Variants in KCTD19 observed in about 807,000 individuals in gnomAD.
KCTD19 encodes the protein BTB/POZ domain-containing protein KCTD19.
A neutral mutation model predicts 103.5 loss-of-function variants in KCTD19; 67 were observed. That is an observed-to-expected ratio of 0.65 (90% CI 0.53 to 0.79). The LOEUF (loss-of-function observed/expected upper bound fraction) is 0.79, where lower values mean the gene tolerates loss of function less well. Ranked by LOEUF, KCTD19 falls within the 30% of genes least tolerant of loss-of-function variation. The pLI is 0.00. For synonymous variants in KCTD19, 439 were observed against 452.2 expected (o/e 0.97, Z 0.37); for missense variants, 980 against 1,136.1 (o/e 0.86, Z 1.98).
intron 2 of KCTD19, among the ~76,000 whole-genome samples, chr16:67,311,035 A>G (rs1038710683): frequency 1.3e-5 from 2 of 152,206 alleles, no homozygotes; most frequent in Non-Finnish European, 2.9e-5. Context: ...AGTCATCTTG[A>G]GCATAACACT....
At chr16:67,294,222 A>G (rs1299699870) in intron 11 of KCTD19, 51 bp from the exon 12 acceptor site, 4 of 1,536,560 alleles carry the variant, frequency 2.6e-6, no homozygotes, top group South Asian at 2.4e-5. Flanking sequence ...ATGGACATCA[A>G]CGCCTTGCCC....
In KCTD19 at chr16:67,303,170, C is replaced by T. The variant is rs369923393; in HGVS notation, c.619G>A (p.Glu207Lys). 6.2e-5 allele frequency: 93 copies of T among 1,489,104 alleles called. No individual in the cohort carries two copies. Among genetic ancestry groups the T allele is most frequent in the Non-Finnish European group, 7.8e-5 (86 of 1,101,636 alleles). 92.2% of individuals were successfully genotyped at this position (1,489,104 alleles called of 1,614,324 possible). The change falls in exon 4 of 16, where the codon GAG (glutamate) becomes AAG (lysine). Residue 207 changes from glutamate (E) to lysine (K), a missense_variant. Physicochemically the swap from Glu to Lys is moderately conservative, Grantham distance 56. Transcript: ENST00000304372. This position sits in a 1 kb window ranked among gnomAD's most constrained non-coding sequence, Gnocchi z 4.3. ...CCAATGAAGCGGAACTCGCTGCACT[C>T]GCACTCGATGAGGGCCACCGTCTCA... Reference protein sequence around the residue: ...LAETVALIECECSEFRFIVNF... With the variant: ...LAETVALIECKCSEFRFIVNF...
At chr16:67,304,748 C>A (rs2142510960) in intron 2 of KCTD19, among the ~76,000 whole-genome samples, 177 bp from the exon 3 acceptor site, 1 of 152,026 alleles carries the variant, frequency 6.6e-6, no homozygotes, top group East Asian at 1.9e-4. Flanking sequence ...ACTGCAACCT[C>A]CACCTCCTGG....
chr16:67,301,935 AG>A lies in KCTD19; in HGVS notation c.644-14del, dbSNP rs1351404438. On this transcript the variant is annotated splice_polypyrimidine_tract_variant and intron_variant, in intron 4 of 15. Transcript: ENST00000304372. ...CGAAGAAAATTCACTTGAAAAACAA[AG>A]GGGAACACAGTGAGTTAATGAGGCT... 1.2e-6 allele frequency: 2 copies of A among 1,613,532 alleles called. No homozygotes were observed. The highest frequency in any genetic ancestry group is 1.7e-6 in the Non-Finnish European group (2 of 1,179,688).
At chr16:67,325,360 C>T (rs999567180) in intron 1 of KCTD19, among the ~76,000 whole-genome samples, 1 of 147,610 alleles carries the variant, frequency 6.8e-6, no homozygotes, top group African/African-American at 2.6e-5. Flanking sequence ...CTACAGGCGC[C>T]CGCCACCACG....
chr16:67,313,341 C>T (rs1292272035), intron 2 of KCTD19, among the ~76,000 whole-genome samples: 1 of 151,934 alleles, frequency 6.6e-6, no homozygotes, highest in Non-Finnish European at 1.5e-5. Context: ...AACTCCTGAC[C>T]TCAGGTGATC....
chr16:67,300,123 C>G lies in KCTD19; in HGVS notation c.776-550G>C, dbSNP rs2036817731. 6.5e-6 allele frequency: 1 copy of G among 153,400 alleles called. No individual in the cohort carries two copies. The highest frequency in any genetic ancestry group is 1.4e-5 in the Non-Finnish European group (1 of 69,000). The allele number at this position is 153,400 out of a possible 1,614,324, so 9.5% of individuals were successfully genotyped here. ...GGCCTAGGGTACAGTCCAGAGAATA[C>G]AGTTATCACAGCCTTCAGGACCCTG... On this transcript the variant is annotated intron_variant, in intron 5 of 15. Coordinates refer to ENST00000304372, the MANE Select transcript of KCTD19 (RefSeq NM_001100915.3). This position sits in a 1 kb window ranked among gnomAD's most constrained non-coding sequence, Gnocchi z 4.5.
At chr16:67,325,553 C>G (rs192812507) in intron 1 of KCTD19, among the ~76,000 whole-genome samples, 1 of 151,984 alleles carries the variant, frequency 6.6e-6, no homozygotes, top group Admixed American at 6.5e-5. Context: ...ACCCTCTTTT[C>G]TTGTTAAGGA....
Position 67,304,409 on chromosome 16 carries a change from A to G in KCTD19, c.451+12T>C. On this transcript the variant is annotated intron_variant, in intron 3 of 15. Transcript: ENST00000304372. ...TGTGGGCTTTAGGGAGGGACAGCCTATCCCAATTCACCTGTAAAGGCTGGG... is the reference window on the plus strand; with the variant it reads ...TGTGGGCTTTAGGGAGGGACAGCCTGTCCCAATTCACCTGTAAAGGCTGGG... 6.2e-7 allele frequency: 1 copy of G among 1,613,664 alleles called. No homozygotes were observed. The highest frequency in any genetic ancestry group is 8.5e-7 in the Non-Finnish European group (1 of 1,179,608).
At chr16:67,291,042 TGAGATGCA>T (rs2036684834) in intron 14 of KCTD19, 56 bp from the exon 15 acceptor site, 21 of 1,568,642 alleles carry the variant, frequency 1.3e-5, no homozygotes, top group Non-Finnish European at 1.7e-5. Context: ...CCCCTCAGAG[TGAGATGCA>T]GAGCGGGGAC....
chr16:67,296,501 G>A (rs1490554405), intron 7 of KCTD19, among the ~76,000 whole-genome samples: 1 of 152,180 alleles, frequency 6.6e-6, no homozygotes, highest in Non-Finnish European at 1.5e-5. Context: ...CCTCAGGAAA[G>A]CTGGGTTGAT....
chr16:67,292,037 C>A (rs1211161344), intron 12 of KCTD19, among the ~76,000 whole-genome samples, 200 bp from the exon 13 acceptor site: 2 of 152,168 alleles, frequency 1.3e-5, no homozygotes, highest in Non-Finnish European at 2.9e-5. Context: ...CCACGCCCGG[C>A]TAATTTTTGT....
In KCTD19 at chr16:67,304,448, AT is replaced by A. The variant is rs1320347694; in HGVS notation, c.423del (p.Glu141AspfsTer26). The A allele has an allele frequency of 6.2e-7, 1 of 1,614,048 alleles. No individual in the cohort carries two copies. Among genetic ancestry groups the A allele is most frequent in the Non-Finnish European group, 8.5e-7 (1 of 1,179,924 alleles). ...RTWKCISKPS[E>X]FPIKSPAFTG... ...GTAAAGGCTGGGCTTTTAATTGGAA[AT>A]TCTGAGGGTTTGCTAATACACTTCC... On this transcript the variant is annotated frameshift_variant, in exon 3 of 16. Coordinates refer to ENST00000304372, the MANE Select transcript of KCTD19 (RefSeq NM_001100915.3). LOFTEE classifies it high-confidence loss of function.
intron 2 of KCTD19, among the ~76,000 whole-genome samples, chr16:67,306,909 TG>T (rs533859955): frequency 2.0e-4 from 30 of 152,184 alleles, no homozygotes; most frequent in Non-Finnish European, 3.4e-4. Context: ...AAGTAGGCTC[TG>T]GTATCATCAC....
chr16:67,291,065 CTG>C, intron 14 of KCTD19, 79 bp from the exon 15 acceptor site: 1 of 1,470,902 alleles, frequency 6.8e-7, no homozygotes, highest in Non-Finnish European at 9.3e-7. Flanking sequence ...GGGGACTTCT[CTG>C]GGCCCACAGA....
Position 67,289,694 on chromosome 16 carries a change from G to A in KCTD19, c.2668-12C>T. 1 of 1,591,710 alleles carries A rather than the reference G, an allele frequency of 6.3e-7. No individual in the cohort carries two copies. The highest frequency in any genetic ancestry group is 2.2e-5 in the East Asian group (1 of 44,774). On this transcript the variant is annotated splice_polypyrimidine_tract_variant and intron_variant, in intron 15 of 15. Transcript: ENST00000304372. Reference sequence around the variant, plus strand: ...AAGGGCAGTGTAAGCTGGAAGGAAAGGCCAGTCTTATCCCTGATTTCCTGG... The same window carrying A: ...AAGGGCAGTGTAAGCTGGAAGGAAAAGCCAGTCTTATCCCTGATTTCCTGG...
In KCTD19 at chr16:67,320,786, G is replaced by C; in HGVS notation, c.103C>G (p.Pro35Ala). ...SVPRSKLSQF[P>A]DSLLWKEASA... ...GCCTCTTTCCACAGCAGGGAGTCTG[G>C]AAACTGAGAGAGTTTGCTTCTGGGA... The change falls in exon 2 of 16, where the codon CCA becomes GCA. Residue 35 changes from proline (P) to alanine (A), a missense_variant. Coordinates refer to ENST00000304372, the MANE Select transcript of KCTD19 (RefSeq NM_001100915.3). This position sits in a 1 kb window ranked among gnomAD's most constrained non-coding sequence, Gnocchi z 4.0. 6.2e-7 allele frequency: 1 copy of C among 1,614,194 alleles called. No individual in the cohort carries two copies. Among genetic ancestry groups the C allele is most frequent in the Non-Finnish European group, 8.5e-7 (1 of 1,180,032 alleles).
chr16:67,303,256 G>A lies in KCTD19; in HGVS notation c.533C>T (p.Pro178Leu), dbSNP rs1318783724. 1.9e-6 allele frequency: 3 copies of A among 1,614,012 alleles called. No homozygotes were observed. The highest frequency in any genetic ancestry group is 1.3e-5 in the African/African-American group (1 of 74,918). ...GGGATATTTGGCCACCAGGTCTAGG[G>A]GCAGGAAGCAGTAGTGCACCTCCTC... is the stretch of plus-strand genomic sequence containing the variant. ...TEEEVHYCFL[P>L]LDLVAKYPSL... Residue 178 changes from proline to leucine, a missense_variant, in exon 4 of 16, where the codon CCC becomes CTC. Coordinates refer to ENST00000304372, the MANE Select transcript of KCTD19 (RefSeq NM_001100915.3). This position sits in a 1 kb window ranked among gnomAD's most constrained non-coding sequence, Gnocchi z 4.3.
At chr16:67,316,675 G>A (rs2037016390) in intron 2 of KCTD19, among the ~76,000 whole-genome samples, 1 of 152,188 alleles carries the variant, frequency 6.6e-6, no homozygotes, top group Non-Finnish European at 1.5e-5. Flanking sequence ...TGTTTTAATT[G>A]TCTTCATAGC....
Sources: gnomAD v4.1 joint callset for allele counts (sites outside exome capture counted in the v4.1 genomes callset) on GRCh38, gnomAD v4.1.1 for gene constraint, Gnocchi (gnomAD v3.1) non-coding constraint, MANE v1.5 for transcripts, NCBI Gene and HGNC (gene_info 2026-07-23, HGNC 2026-07-21) for gene names.